The following SEC24D variants were observed in gnomAD, a reference collection of about 807,000 sequenced individuals.
SEC24D encodes the protein protein transport protein Sec24D.
In SEC24D, 69 loss-of-function variants were observed where a neutral mutation model predicts 116.9. The ratio of observed to expected loss-of-function variants is 0.59; its 90% confidence interval spans 0.49 to 0.72. The LOEUF is 0.72. Among genes scored for constraint, SEC24D ranks in the 30% least tolerant of loss-of-function variants. The pLI is 0.00. For missense variants in SEC24D, 1,131 were observed against 1,264.1 expected, an observed-to-expected ratio of 0.89 and a Z score of 1.60; for synonymous variants, 405 against 442.8, an observed-to-expected ratio of 0.91 and a Z score of 1.07.
intron 3 of SEC24D, among the ~76,000 whole-genome samples, chr4:118,818,455 T>G (rs1445710203): frequency 6.6e-6 from 1 of 152,234 alleles, no homozygotes; most frequent in Non-Finnish European, 1.5e-5. Flanking sequence ...AGTGCACTAT[T>G]CAAAGCATCA....
rs116392008 is a variant in SEC24D, at chr4:118,727,747, G to A, written c.2958+814C>T. Reference sequence around the variant, plus strand: ...AACTGAACCATAGGTGCTGTGTGGTGTGAAAACTGTTCTAGAAAAGTTGTG... The same window carrying A: ...AACTGAACCATAGGTGCTGTGTGGTATGAAAACTGTTCTAGAAAAGTTGTG... On this transcript the variant is annotated intron_variant, in intron 22 of 22. Coordinates refer to ENST00000280551, the MANE Select transcript of SEC24D (RefSeq NM_014822.4). Among the ~76,000 whole-genome samples the A allele has an allele frequency of 2.7e-3, 406 of 152,136 alleles. 2 individuals carry two copies. Among genetic ancestry groups the A allele is most frequent in the African/African-American group, 9.0e-3 (372 of 41,506 alleles).
chr4:118,742,379 G>A (rs1162880772), intron 15 of SEC24D, among the ~76,000 whole-genome samples: 1 of 151,660 alleles, frequency 6.6e-6, no homozygotes, highest in African/African-American at 2.4e-5. Flanking sequence ...AAAGTGGGGG[G>A]GGGAAAGCTT....
chr4:118,822,439 A>G (rs1353680429), intron 3 of SEC24D, among the ~76,000 whole-genome samples: 1 of 152,202 alleles, frequency 6.6e-6, no homozygotes, highest in Non-Finnish European at 1.5e-5. Flanking sequence ...AATAAATGGC[A>G]ATAAACCAAA....
chr4:118,804,299 C>T (rs1729572130), intron 7 of SEC24D, among the ~76,000 whole-genome samples: 1 of 152,030 alleles, frequency 6.6e-6, no homozygotes, highest in Non-Finnish European at 1.5e-5. Context: ...AGGTGAATTT[C>T]TAAGGATACA....
chr4:118,752,142 AC>A, intron 12 of SEC24D, 53 bp from the exon 13 acceptor site: 1 of 1,160,326 alleles, frequency 8.6e-7, no homozygotes, highest in Non-Finnish European at 1.3e-6. Flanking sequence ...ATTTTAATAA[AC>A]TTCAAGCAAT....
intron 8 of SEC24D, among the ~76,000 whole-genome samples, chr4:118,773,974 CTATCA>C (rs2110478890): frequency 6.6e-6 from 1 of 152,016 alleles, no homozygotes; most frequent in Non-Finnish European, 1.5e-5. Context: ...AAATAAAATC[CTATCA>C]TGTGTCTTCT....
chr4:118,789,826 C>T (rs1300563125), intron 8 of SEC24D, among the ~76,000 whole-genome samples: 3 of 152,178 alleles, frequency 2.0e-5, no homozygotes, highest in African/African-American at 7.2e-5. Flanking sequence ...CCTCGTGATC[C>T]ACCCACCTTG....
rs1272242956 is a variant in SEC24D at position 118,732,824 on chromosome 4, G to A, written c.2585C>T (p.Ser862Leu). Residue 862 changes from serine (S) to leucine (L), a missense_variant, in exon 20 of 23, where the codon TCA becomes TTA. Transcript: ENST00000280551. ...NCVLLSRPEI[S>L]TDERAYQRQL... Reference sequence around the variant, plus strand: ...TCTCTGGTATGCTCGTTCATCAGTTGAGATCTCTGGTCTGCTGAGTAGTAC... The same window carrying A: ...TCTCTGGTATGCTCGTTCATCAGTTAAGATCTCTGGTCTGCTGAGTAGTAC... 2.0e-5 allele frequency: 33 copies of A among 1,613,956 alleles called. No homozygotes were observed. The highest frequency in any genetic ancestry group is 2.7e-5 in the African/African-American group (2 of 74,900).
chr4:118,835,535 T>C (rs955855669), intron 1 of SEC24D, among the ~76,000 whole-genome samples: 1 of 152,202 alleles, frequency 6.6e-6, no homozygotes. Context: ...TATTCGGATG[T>C]CCCGAGGCTT....
At chr4:118,818,073 C>T (rs1730227437) in intron 3 of SEC24D, among the ~76,000 whole-genome samples, 1 of 151,934 alleles carries the variant, frequency 6.6e-6, no homozygotes, top group African/African-American at 2.4e-5. Flanking sequence ...TTACATCATG[C>T]TTTACCTTTG....
At chr4:118,733,179 C>T (rs1725782733) in intron 19 of SEC24D, 1 of 259,596 alleles carries the variant, frequency 3.9e-6, no homozygotes, top group Non-Finnish European at 7.3e-6. Context: ...AGGATGCAAT[C>T]CCAGCTCTGT....
intron 2 of SEC24D, among the ~76,000 whole-genome samples, chr4:118,826,125 C>A (rs114310988): frequency 5.7e-4 from 87 of 152,108 alleles, no homozygotes; most frequent in African/African-American, 2.1e-3. Flanking sequence ...ATTAATTCTA[C>A]ATAGTTTTAC....
intron 8 of SEC24D, among the ~76,000 whole-genome samples, chr4:118,779,431 C>G (rs1326480849): frequency 6.6e-6 from 1 of 152,156 alleles, no homozygotes; most frequent in Non-Finnish European, 1.5e-5. Context: ...GTTGAACAAG[C>G]CTTGCATCCC....
rs1410476730 is a variant in SEC24D, at chr4:118,764,769, T to G, written c.1296+33A>C. 3 of 1,142,608 alleles carry G rather than the reference T, an allele frequency of 2.6e-6. No homozygotes were observed. In the Admixed American group the frequency reaches 5.3e-5, roughly 20 times the overall value. 70.8% of individuals were successfully genotyped at this position (1,142,608 alleles called of 1,614,324 possible). A position where few individuals can be genotyped will look rare whatever the true frequency, so the allele number is the denominator to read the frequency against. ...GTTATTCACTTGAATTTAACATCAA[T>G]GTATAAACACTTGAAGTTCTGGGAA... On this transcript the variant is annotated intron_variant, in intron 10 of 22. Transcript: ENST00000280551.
chr4:118,822,800 T>C (rs913740130), intron 3 of SEC24D, among the ~76,000 whole-genome samples: 3 of 152,086 alleles, frequency 2.0e-5, no homozygotes, highest in Admixed American at 2.0e-4. Context: ...CTCGAACTCC[T>C]GGGCTCAGGC....
chr4:118,731,220 ATT>A, intron 21 of SEC24D, 94 bp downstream of exon 21: 1 of 973,072 alleles, frequency 1.0e-6, no homozygotes, highest in Admixed American at 2.0e-5. Flanking sequence ...ATGCCTTATT[ATT>A]TTTCTTTCTG....
At chr4:118,752,955 A>G in intron 11 of SEC24D, 67 bp from the exon 12 acceptor site, 1 of 1,169,634 alleles carries the variant, frequency 8.5e-7, no homozygotes, top group East Asian at 2.5e-5. Flanking sequence ...TTTCTATCTG[A>G]AATTCAGTAA....
At chr4:118,726,044 G>T (rs1211624696) in intron 22 of SEC24D, among the ~76,000 whole-genome samples, 4 of 152,170 alleles carry the variant, frequency 2.6e-5, no homozygotes, top group Admixed American at 1.3e-4. Context: ...TGCTTCTTGT[G>T]TGCCTTCTCC....
chr4:118,828,108 T>G (rs1730661705), intron 2 of SEC24D, among the ~76,000 whole-genome samples: 1 of 151,312 alleles, frequency 6.6e-6, no homozygotes, highest in Non-Finnish European at 1.5e-5. Flanking sequence ...TTCAGGACAT[T>G]AATACTTTTT....
Sources: gnomAD v4.1 joint callset for allele counts (sites outside exome capture counted in the v4.1 genomes callset) on GRCh38, gnomAD v4.1.1 for gene constraint, MANE v1.5 for transcripts, NCBI Gene and HGNC (gene_info 2026-07-23, HGNC 2026-07-21) for gene names.